PTPRD: variants seen among roughly 807,000 people sequenced by gnomAD.
PTPRD encodes the protein receptor-type tyrosine-protein phosphatase delta.
PTPRD carries 34 observed loss-of-function variants against 214.5 expected under a neutral mutation model. The ratio of observed to expected loss-of-function variants is 0.16; its 90% confidence interval spans 0.12 to 0.21. The LOEUF is 0.21. PTPRD is among the 10% of genes least tolerant of loss of function. PTPRD has a pLI of 1.00. For synonymous variants in PTPRD, 1,128 were observed against 845.7 expected, an observed-to-expected ratio of 1.33 and a Z score of -5.79; for missense variants, 2,545 against 2,398.7, an observed-to-expected ratio of 1.06 and a Z score of -1.27.
rs2076877187 is a variant in PTPRD at position 8,536,134 on chromosome 9, TAAAG to T, written c.353-7359_353-7356del. 2.0e-5 allele frequency among the ~76,000 whole-genome samples: 3 copies of T among 152,026 alleles called. No homozygotes were observed. In the South Asian group the frequency reaches 6.2e-4, roughly 32 times the overall value. On this transcript the variant is annotated intron_variant, in intron 14 of 45. Coordinates refer to ENST00000381196, the MANE Select transcript of PTPRD (RefSeq NM_002839.4). The stretch of plus-strand genomic sequence containing the variant: ...TCATATCCTACATGTAGTAAAAAAT[TAAAG>T]AAAGTCTTTCAGCTCTAGATTTGGT...
chr9:8,897,567 G>A (rs909214130), intron 11 of PTPRD, among the ~76,000 whole-genome samples: 11 of 152,310 alleles, frequency 7.2e-5, no homozygotes, highest in Admixed American at 7.2e-4. Flanking sequence ...GCCATGAGCT[G>A]TCTGCACCAG....
intron 11 of PTPRD, among the ~76,000 whole-genome samples, chr9:8,853,229 G>T (rs1226300297): frequency 2.0e-5 from 3 of 152,256 alleles, no homozygotes; most frequent in Admixed American, 2.0e-4. Flanking sequence ...CATTAAGTCA[G>T]ACTGCTGTAA....
chr9:8,483,653 G>C (rs934317502), intron 30 of PTPRD, among the ~76,000 whole-genome samples: 5 of 152,122 alleles, frequency 3.3e-5, no homozygotes, highest in African/African-American at 1.2e-4. Flanking sequence ...TCAGGAGGCT[G>C]AGGCAATCCC....
intron 8 of PTPRD, among the ~76,000 whole-genome samples, chr9:9,432,857 T>C (rs2083741139): frequency 6.6e-6 from 1 of 152,162 alleles, no homozygotes; most frequent in African/African-American, 2.4e-5. Flanking sequence ...CAGCCAACAC[T>C]GAGGAGAAAA....
chr9:8,481,520 G>C (rs2096884982), intron 30 of PTPRD, among the ~76,000 whole-genome samples: 1 of 152,070 alleles, frequency 6.6e-6, no homozygotes, highest in African/African-American at 2.4e-5. Flanking sequence ...GTTTTCTGGA[G>C]TTTGGGGAGT....
At chr9:9,461,318 A>G (rs562849668) in intron 8 of PTPRD, among the ~76,000 whole-genome samples, 3 of 152,178 alleles carry the variant, frequency 2.0e-5, no homozygotes, top group East Asian at 3.9e-4. Flanking sequence ...TACTTCCTGA[A>G]TCGGAATTTT....
At chr9:9,955,233 A>G (rs1042777502) in intron 4 of PTPRD, among the ~76,000 whole-genome samples, 2 of 152,194 alleles carry the variant, frequency 1.3e-5, no homozygotes, top group Non-Finnish European at 2.9e-5. Context: ...AGAACAAATG[A>G]ATAATGCATG....
chr9:10,460,102 C>G (rs1000463219), intron 2 of PTPRD, among the ~76,000 whole-genome samples: 2 of 151,836 alleles, frequency 1.3e-5, no homozygotes, highest in Non-Finnish European at 2.9e-5. Flanking sequence ...AAATAACGAC[C>G]TAGACCAAAA....
At chr9:8,511,323 G>A (rs941955937) in intron 21 of PTPRD, among the ~76,000 whole-genome samples, 1 of 151,868 alleles carries the variant, frequency 6.6e-6, no homozygotes, top group South Asian at 2.1e-4. Context: ...CTTCCACCTC[G>A]ACCACTCAAA....
intron 9 of PTPRD, among the ~76,000 whole-genome samples, chr9:9,241,938 A>C (rs141526347): frequency 0.5 from 75,643 of 151,218 alleles, 19,060 homozygotes; most frequent in African/African-American, 0.55. Context: ...TCTTCCCAGC[A>C]TCGATGGTCT....
intron 8 of PTPRD, among the ~76,000 whole-genome samples, chr9:9,438,537 A>G (rs566587297): frequency 2.2e-4 from 33 of 152,328 alleles, no homozygotes; most frequent in Admixed American, 1.3e-3. Flanking sequence ...AGGAATCTAA[A>G]TGTGTTAGCA....
At chr9:9,659,912 C>T (rs536030479) in intron 7 of PTPRD, among the ~76,000 whole-genome samples, 62 of 152,124 alleles carry the variant, frequency 4.1e-4, no homozygotes, top group African/African-American at 1.5e-3. Context: ...GAGGAAGCAA[C>T]TTTATAGTCC....
intron 7 of PTPRD, among the ~76,000 whole-genome samples, chr9:9,588,342 A>G (rs1053366012): frequency 6.6e-6 from 1 of 151,884 alleles, no homozygotes; most frequent in Non-Finnish European, 1.5e-5. Context: ...ACTGAGTTAC[A>G]TTTTCTATTT....
intron 10 of PTPRD, among the ~76,000 whole-genome samples, chr9:9,084,125 C>T (rs1021309518): frequency 1.3e-5 from 2 of 152,070 alleles, no homozygotes; most frequent in African/African-American, 4.8e-5. Flanking sequence ...GCAGCACTAT[C>T]ACAATAGCAA....
intron 4 of PTPRD, among the ~76,000 whole-genome samples, chr9:9,954,725 A>C (rs994233663): frequency 2.0e-5 from 3 of 152,070 alleles, no homozygotes; most frequent in African/African-American, 7.2e-5. Context: ...TTTTTATATC[A>C]ATTTCTGTGT....
At chr9:8,719,605 A>C (rs1014632408) in intron 12 of PTPRD, among the ~76,000 whole-genome samples, 3 of 152,212 alleles carry the variant, frequency 2.0e-5, no homozygotes, top group African/African-American at 7.2e-5. Context: ...TTTTAAATAA[A>C]GTTTTATTGG....
In PTPRD at chr9:9,413,733, C is replaced by T. The variant is rs77144118; in HGVS notation, c.-236-16251G>A. ...TAAAGTTTCTTTAAGCTCTGATTTCCTTACTTGTAAAGCACAGGAGAGGGA... is the reference window on the plus strand; with the variant it reads ...TAAAGTTTCTTTAAGCTCTGATTTCTTTACTTGTAAAGCACAGGAGAGGGA... On this transcript the variant is annotated intron_variant, in intron 8 of 45. Transcript: ENST00000381196. Among the ~76,000 whole-genome samples the T allele has an allele frequency of 9.7e-4, 147 of 152,152 alleles. 4 individuals carry two copies. The East Asian group carries it at 0.019, about 19-fold the overall frequency.
intron 3 of PTPRD, among the ~76,000 whole-genome samples, chr9:10,244,298 A>G (rs1296390662): frequency 6.6e-6 from 1 of 152,082 alleles, no homozygotes; most frequent in Non-Finnish European, 1.5e-5. Flanking sequence ...ATTAAATTGT[A>G]ATCTCCCCAA....
chr9:8,330,882 C>T (rs1186589921), intron 44 of PTPRD, among the ~76,000 whole-genome samples: 1 of 149,822 alleles, frequency 6.7e-6, no homozygotes, highest in Non-Finnish European at 1.5e-5. Context: ...GTCAAGTTGC[C>T]AGAACCCTAA....
Sources: gnomAD v4.1 joint callset for allele counts (sites outside exome capture counted in the v4.1 genomes callset) on GRCh38, gnomAD v4.1.1 for gene constraint, MANE v1.5 for transcripts, NCBI Gene and HGNC (gene_info 2026-07-23, HGNC 2026-07-21) for gene names.